The following TTC7A variants were observed in gnomAD, a reference collection of about 807,000 sequenced individuals.
TTC7A encodes tetratricopeptide repeat protein 7A.
In TTC7A, 110 loss-of-function variants were observed where a neutral mutation model predicts 103.7. That is an observed-to-expected ratio of 1.06 (90% CI 0.91 to 1.24). TTC7A has a LOEUF of 1.24. TTC7A is among the 50% of genes most tolerant of loss of function. The pLI is 0.00. For synonymous variants in TTC7A, 521 were observed against 467.9 expected, an observed-to-expected ratio of 1.11 and a Z score of -1.47; for missense variants, 1,340 against 1,116.3, an observed-to-expected ratio of 1.20 and a Z score of -2.86.
At chr2:47,058,937 C>T (rs1356751721) in intron 18 of TTC7A, among the ~76,000 whole-genome samples, 2 of 147,772 alleles carry the variant, frequency 1.4e-5, no homozygotes, top group African/African-American at 2.5e-5. Flanking sequence ...CACAGAACTG[C>T]TTGGGAGTCC....
At chr2:47,072,360 T>TGCGGG (rs1260188249) in intron 19 of TTC7A, among the ~76,000 whole-genome samples, 1 of 152,158 alleles carries the variant, frequency 6.6e-6, no homozygotes, top group Non-Finnish European at 1.5e-5. Flanking sequence ...CCCCGCCCCC[T>TGCGGG]GGCCGCAAGA....
chr2:46,964,590 C>G (rs1195167242), intron 3 of TTC7A, among the ~76,000 whole-genome samples: 8 of 152,186 alleles, frequency 5.3e-5, no homozygotes, highest in Admixed American at 5.2e-4. Flanking sequence ...GCTGAGGGGT[C>G]TGGGCCCTAG....
intron 2 of TTC7A, among the ~76,000 whole-genome samples, chr2:46,930,491 C>A (rs1273783985): frequency 2.7e-5 from 4 of 147,088 alleles, no homozygotes; most frequent in Non-Finnish European, 4.5e-5. Flanking sequence ...AATTTGAAGT[C>A]CTATAATTTT....
chr2:47,012,725 A>T (rs891461424), intron 11 of TTC7A, among the ~76,000 whole-genome samples: 2 of 152,166 alleles, frequency 1.3e-5, no homozygotes, highest in African/African-American at 4.8e-5. Flanking sequence ...CCGCCTCATC[A>T]TCGCAGCAGG....
chr2:47,037,619 C>T (rs183405958), intron 15 of TTC7A, among the ~76,000 whole-genome samples: 4 of 152,334 alleles, frequency 2.6e-5, no homozygotes, highest in Non-Finnish European at 5.9e-5. Context: ...TACTTGAACT[C>T]CAAGAGCTTC....
chr2:47,072,714 G>GC (rs1431820092), intron 19 of TTC7A, among the ~76,000 whole-genome samples: 27 of 152,254 alleles, frequency 1.8e-4, no homozygotes, highest in Non-Finnish European at 2.6e-4. Context: ...CAAGAGAAGG[G>GC]CCCCCCGTGC....
chr2:46,961,170 A>C (rs1672336695), intron 3 of TTC7A, among the ~76,000 whole-genome samples: 1 of 152,200 alleles, frequency 6.6e-6, no homozygotes, highest in African/African-American at 2.4e-5. Context: ...CTGGAAAGGA[A>C]ATGTTCCCAG....
chr2:46,933,306 G>A (rs979708469), intron 2 of TTC7A, among the ~76,000 whole-genome samples: 1 of 152,160 alleles, frequency 6.6e-6, no homozygotes, highest in African/African-American at 2.4e-5. Context: ...TGAGTGGCTG[G>A]GGATAAAAAA....
Position 47,046,940 on chromosome 2 carries a change from G to T in TTC7A, c.1919+509G>T, listed in dbSNP as rs559067836. 14 of 291,996 alleles carry T rather than the reference G, an allele frequency of 4.8e-5. No homozygotes were observed. The South Asian group carries it at 8.6e-4, about 18-fold the overall frequency. 18.1% of individuals were successfully genotyped at this position (291,996 alleles called of 1,614,324 possible). A position where few individuals can be genotyped will look rare whatever the true frequency, so the allele number is the denominator to read the frequency against. On this transcript the variant is annotated intron_variant, in intron 16 of 19. Transcript: ENST00000319190. ...GGAGGCTAGAAGAGGAGGAGGAGGTGTACTCCTGAAGGGCCACCCCTTCTT... is the reference window on the plus strand; with the variant it reads ...GGAGGCTAGAAGAGGAGGAGGAGGTTTACTCCTGAAGGGCCACCCCTTCTT...
intron 11 of TTC7A, among the ~76,000 whole-genome samples, chr2:47,012,965 G>C (rs925660508): frequency 6.6e-6 from 1 of 152,192 alleles, no homozygotes; most frequent in African/African-American, 2.4e-5. Flanking sequence ...AATGGGCTCT[G>C]GGCTTTGGAA....
intron 3 of TTC7A, among the ~76,000 whole-genome samples, 177 bp downstream of exon 3, chr2:46,957,184 C>T (rs186193936): frequency 6.6e-6 from 1 of 152,326 alleles, no homozygotes; most frequent in East Asian, 1.9e-4. Context: ...TTGCCTGGTG[C>T]CTGGGACGTT....
At position 47,029,284 on chromosome 2, in the gene TTC7A, G is replaced by T. The variant is rs774511591; in HGVS notation, c.1702G>T (p.Ala568Ser). The change falls in exon 15 of 20, where the codon GCC (alanine) becomes TCC (serine). Residue 568 changes from alanine to serine, a missense_variant. Ala to Ser is a moderately conservative substitution (Grantham distance 99, BLOSUM62 1). Coordinates refer to ENST00000319190, the MANE Select transcript of TTC7A (RefSeq NM_020458.4). Reference sequence around the variant, plus strand: ...GAAGGTACGCAAGGATGATGCCCACGCCCTCCACCTGCTGGCACTGCTCTT... The same window carrying T: ...GAAGGTACGCAAGGATGATGCCCACTCCCTCCACCTGCTGGCACTGCTCTT... Reference protein sequence around the residue: ...ALKVRKDDAHALHLLALLFSA... With the variant: ...ALKVRKDDAHSLHLLALLFSA... The T allele has an allele frequency of 1.2e-6, 2 of 1,614,046 alleles. No homozygotes were observed. The highest frequency in any genetic ancestry group is 1.7e-6 in the Non-Finnish European group (2 of 1,180,030).
At chr2:47,060,425 C>T (rs551031387) in intron 18 of TTC7A, among the ~76,000 whole-genome samples, 2 of 152,038 alleles carry the variant, frequency 1.3e-5, no homozygotes, top group Non-Finnish European at 2.9e-5. Context: ...CATGGTCATA[C>T]CAGTGCACTC....
chr2:47,003,262 A>G (rs545085000), intron 8 of TTC7A, among the ~76,000 whole-genome samples: 1 of 152,186 alleles, frequency 6.6e-6, no homozygotes, highest in African/African-American at 2.4e-5. Context: ...GAACTGGTGA[A>G]CCAGACGGGG....
At chr2:47,073,401 T>TC (rs1283625470) in intron 19 of TTC7A, among the ~76,000 whole-genome samples, 1 of 152,070 alleles carries the variant, frequency 6.6e-6, no homozygotes, top group Middle Eastern at 3.2e-3. Flanking sequence ...TTGCCTAGGA[T>TC]CCCCCAAACA....
At chr2:47,011,562 A>C in intron 11 of TTC7A, 127 bp downstream of exon 11, 2 of 720,150 alleles carry the variant, frequency 2.8e-6, no homozygotes, top group Non-Finnish European at 4.5e-6. Flanking sequence ...GCTACCAGGC[A>C]GATGGGCCTG....
chr2:47,029,928 G>T (rs988357986), intron 15 of TTC7A, among the ~76,000 whole-genome samples: 1 of 152,220 alleles, frequency 6.6e-6, no homozygotes, highest in Admixed American at 6.5e-5. Flanking sequence ...CTAAGTGGTG[G>T]TAGGACACAG....
rs777302880 is a variant in TTC7A at position 47,073,952 on chromosome 2, C to T, written c.*29C>T. 6.3e-7 allele frequency: 1 copy of T among 1,584,970 alleles called. No individual in the cohort carries two copies. Among genetic ancestry groups the T allele is most frequent in the Non-Finnish European group, 8.6e-7 (1 of 1,161,430 alleles). Reference sequence around the variant, plus strand: ...CGCTGCAGCCGCAGGGAGGGAGGGGCTGGCCAGAGGGAGAGGCAGCAGGGA... The same window carrying T: ...CGCTGCAGCCGCAGGGAGGGAGGGGTTGGCCAGAGGGAGAGGCAGCAGGGA... On this transcript the variant is annotated 3_prime_UTR_variant, in exon 20 of 20. Coordinates refer to ENST00000319190, the MANE Select transcript of TTC7A (RefSeq NM_020458.4).
chr2:47,057,077 A>G (rs933508488), intron 18 of TTC7A, among the ~76,000 whole-genome samples: 16 of 152,232 alleles, frequency 1.1e-4, no homozygotes, highest in Admixed American at 2.0e-4. Context: ...GCGGCGCCCC[A>G]GGGCTACTGC....
Sources: gnomAD v4.1 joint callset for allele counts (sites outside exome capture counted in the v4.1 genomes callset) on GRCh38, gnomAD v4.1.1 for gene constraint, MANE v1.5 for transcripts, NCBI Gene and HGNC (gene_info 2026-07-23, HGNC 2026-07-21) for gene names.